The following TLK1 variants were observed in gnomAD, a reference collection of about 807,000 sequenced individuals.
TLK1 encodes serine/threonine-protein kinase tousled-like 1.
TLK1 carries 24 observed loss-of-function variants against 105.3 expected under a neutral mutation model. That is an observed-to-expected ratio of 0.23 (90% CI 0.17 to 0.32). The LOEUF (loss-of-function observed/expected upper bound fraction) is 0.32. Ranked by LOEUF, TLK1 falls within the 10% of genes least tolerant of loss-of-function variation. TLK1 has a pLI of 1.00. For synonymous variants in TLK1, 321 were observed against 310.4 expected (o/e 1.03, Z -0.36); for missense variants, 558 against 910.5 (o/e 0.61, Z 4.98).
In TLK1 at chr2:171,160,146, G is replaced by A. The variant is rs949290305; in HGVS notation, c.139+144C>T. The A allele has an allele frequency of 2.3e-5, 21 of 913,248 alleles. No individual in the cohort carries two copies. The African/African-American group carries it at 3.4e-4, about 15-fold the overall frequency. 56.6% of individuals were successfully genotyped at this position (913,248 alleles called of 1,614,324 possible). A position where few individuals can be genotyped will look rare whatever the true frequency, so the allele number is the denominator to read the frequency against. On this transcript the variant is annotated intron_variant, in intron 1 of 20. Transcript: ENST00000431350. This position sits in a 1 kb window ranked among gnomAD's most constrained non-coding sequence, Gnocchi z 4.4. Reference sequence around the variant, plus strand: ...TACCTCCCCAGAGCCGGGGAGCCGGGCGGCCTCGCGTCCACCTCGCCACCA... The same window carrying A: ...TACCTCCCCAGAGCCGGGGAGCCGGACGGCCTCGCGTCCACCTCGCCACCA...
At chr2:171,039,746 G>A (rs898405850) in intron 11 of TLK1, among the ~76,000 whole-genome samples, 7 of 152,078 alleles carry the variant, frequency 4.6e-5, no homozygotes, top group African/African-American at 1.2e-4. Flanking sequence ...ATGTAAATCA[G>A]AAGACAATAA....
intron 3 of TLK1, chr2:171,081,578 G>T: frequency 1.8e-6 from 2 of 1,132,928 alleles, no homozygotes; most frequent in Middle Eastern, 2.4e-4. Flanking sequence ...CTTAGTATAA[G>T]TATGTTAATT....
intron 3 of TLK1, 62 bp from the exon 4 acceptor site, chr2:171,061,218 C>T: frequency 3.9e-6 from 6 of 1,548,038 alleles, no homozygotes; most frequent in Non-Finnish European, 5.3e-6. Context: ...TTATCACAGT[C>T]AACATAAAAC....
At chr2:171,085,469 T>C (rs1688932543) in intron 2 of TLK1, among the ~76,000 whole-genome samples, 1 of 152,044 alleles carries the variant, frequency 6.6e-6, no homozygotes, top group Non-Finnish European at 1.5e-5. Flanking sequence ...TTTTAAATGT[T>C]CAATTAAAAA....
At chr2:171,040,597 G>A (rs1304638949) in intron 11 of TLK1, among the ~76,000 whole-genome samples, 1 of 127,886 alleles carries the variant, frequency 7.8e-6, no homozygotes, top group Non-Finnish European at 1.6e-5. Context: ...TTTGAGACAG[G>A]GTCTTCCTCT....
intron 1 of TLK1, among the ~76,000 whole-genome samples, chr2:171,208,901 C>A (rs1234615781): frequency 6.6e-6 from 1 of 152,224 alleles, no homozygotes; most frequent in African/African-American, 2.4e-5. Context: ...CTTAGCAATA[C>A]ATCTGTACTT....
intron 3 of TLK1, among the ~76,000 whole-genome samples, chr2:171,064,016 A>G (rs549964170): frequency 2.8e-4 from 43 of 152,312 alleles, no homozygotes; most frequent in African/African-American, 1.0e-3. Flanking sequence ...TTTTCCTCTG[A>G]GGCAGAATTT....
intron 1 of TLK1, among the ~76,000 whole-genome samples, chr2:171,216,171 A>T (rs974832680): frequency 6.6e-6 from 1 of 152,014 alleles, no homozygotes; most frequent in South Asian, 2.1e-4. Context: ...CACACTAACC[A>T]CTATGCTGCC....
intron 1 of TLK1, among the ~76,000 whole-genome samples, chr2:171,122,479 T>G (rs1421269429): frequency 6.6e-6 from 1 of 152,132 alleles, no homozygotes; most frequent in East Asian, 1.9e-4. Flanking sequence ...ATCTGCATCT[T>G]AACAAGATCC....
rs114375721 is a variant in TLK1, at chr2:171,114,253, A to G, written c.258+3486T>C. 5.0e-3 allele frequency among the ~76,000 whole-genome samples: 760 copies of G among 152,310 alleles called. 7 individuals carry two copies. The highest frequency in any genetic ancestry group is 0.017 in the African/African-American group (719 of 41,572). ...TATGGTAGGCAGAATAATTTCCCCA[A>G]TGATACACACACCCTAAACTCCAGA... On this transcript the variant is annotated intron_variant, in intron 2 of 20. Transcript: ENST00000431350.
chr2:171,005,868 G>T (rs1684629435), intron 18 of TLK1, among the ~76,000 whole-genome samples: 1 of 152,136 alleles, frequency 6.6e-6, no homozygotes, highest in African/African-American at 2.4e-5. Context: ...GAAAACCCAT[G>T]AATGAATTCT....
intron 1 of TLK1, among the ~76,000 whole-genome samples, chr2:171,179,060 T>G (rs1237044110): frequency 6.6e-6 from 1 of 152,338 alleles, no homozygotes; most frequent in South Asian, 2.1e-4. Context: ...ACTATTCTAA[T>G]ATTTCTTGTT....
Position 171,082,861 on chromosome 2 carries a change from G to C in TLK1, c.259-9C>G. 6.3e-7 allele frequency: 1 copy of C among 1,593,334 alleles called. No homozygotes were observed. The highest frequency in any genetic ancestry group is 8.5e-7 in the Non-Finnish European group (1 of 1,172,772). On this transcript the variant is annotated splice_polypyrimidine_tract_variant and intron_variant, in intron 2 of 20. Transcript: ENST00000431350. ...TCGTTATTTGTTGAGGCCTGTTAAAGATTTTTTAAAAGGTAAAAATTAGGA... is the reference window on the plus strand; with the variant it reads ...TCGTTATTTGTTGAGGCCTGTTAAACATTTTTTAAAAGGTAAAAATTAGGA...
chr2:171,039,499 C>G (rs554881648), intron 11 of TLK1, among the ~76,000 whole-genome samples: 1 of 152,316 alleles, frequency 6.6e-6, no homozygotes, highest in South Asian at 2.1e-4. Flanking sequence ...CTCAAGCGAT[C>G]CACCCACCTC....
chr2:171,050,095 A>C lies in TLK1; in HGVS notation c.812T>G (p.Ile271Arg). The part of the protein sequence containing the change: ...EKYKERLNKC[I>R]SMSKKLLIEK... Reference sequence around the variant, plus strand: ...AATAAGAAGTTTCTTGCTCATTGATATGCACTTATTTAATCGTTCTTTGTA... The same window carrying C: ...AATAAGAAGTTTCTTGCTCATTGATCTGCACTTATTTAATCGTTCTTTGTA... Residue 271 changes from isoleucine (I) to arginine (R), a missense_variant, in exon 9 of 21, where the codon ATA becomes AGA. Ile to Arg is a moderately conservative substitution (Grantham distance 97). Around this residue, in one of 5 missense-constraint regions of TLK1, gnomAD observed 196 missense variants for 239.3 expected, o/e 0.82. Transcript: ENST00000431350. The C allele has an allele frequency of 5.0e-6, 8 of 1,601,536 alleles. No homozygotes were observed. The highest frequency in any genetic ancestry group is 6.8e-6 in the Non-Finnish European group (8 of 1,172,154).
At chr2:171,060,948 CACTA>C (rs547488134) in intron 4 of TLK1, 129 bp downstream of exon 4, 158 of 772,030 alleles carry the variant, frequency 2.0e-4, no homozygotes, top group Admixed American at 1.9e-3. Context: ...AATCATTATA[CACTA>C]ACTACCTGTG....
intron 1 of TLK1, among the ~76,000 whole-genome samples, chr2:171,223,109 C>T (rs1342570334): frequency 6.6e-6 from 1 of 152,152 alleles, no homozygotes; most frequent in African/African-American, 2.4e-5. Flanking sequence ...GCCACTGTGC[C>T]CAGCCTAAGA....
chr2:171,100,861 T>A (rs1213149458), intron 2 of TLK1, among the ~76,000 whole-genome samples: 1 of 152,100 alleles, frequency 6.6e-6, no homozygotes. Context: ...CTACAAAAAA[T>A]TTCTAAGAGT....
At chr2:171,200,568 C>T (rs218308) in intron 1 of TLK1, among the ~76,000 whole-genome samples, 115,782 of 152,082 alleles carry the variant, frequency 0.76, 44,541 homozygotes, top group East Asian at 0.95. Flanking sequence ...TTATTTGGAA[C>T]CTGGGGATGG....
Sources: gnomAD v4.1 joint callset for allele counts (sites outside exome capture counted in the v4.1 genomes callset) on GRCh38, gnomAD v4.1.1 for gene constraint, gnomAD v4.1.1 regional missense constraint, Gnocchi (gnomAD v3.1) non-coding constraint, MANE v1.5 for transcripts, NCBI Gene and HGNC (gene_info 2026-07-23, HGNC 2026-07-21) for gene names.